The following OGDH variants were observed in gnomAD, a reference collection of about 807,000 sequenced individuals.
The protein encoded by OGDH is 2-oxoglutarate dehydrogenase complex component E1.
OGDH carries 38 observed loss-of-function variants against 116.6 expected under a neutral mutation model. The ratio of observed to expected loss-of-function variants is 0.33; its 90% CI spans 0.25 to 0.43. The LOEUF (loss-of-function observed/expected upper bound fraction) is 0.43. Ranked by LOEUF, OGDH falls within the 20% of genes least tolerant of loss-of-function variation. OGDH has a pLI of 1.00. For missense variants in OGDH, 825 were observed against 1,357.2 expected (o/e 0.61, Z 6.16); for synonymous variants, 488 against 533.3 (o/e 0.92, Z 1.17).
intron 2 of OGDH, among the ~76,000 whole-genome samples, chr7:44,638,683 CAGTAAG>C (rs933444053): frequency 3.3e-5 from 5 of 152,154 alleles, no homozygotes; most frequent in Admixed American, 6.5e-5. Flanking sequence ...TTTTCTCACT[CAGTAAG>C]AGAGCTGAGG....
chr7:44,606,781 G>A (rs1427640299), intron 1 of OGDH, 128 bp downstream of exon 1: 3 of 152,362 alleles, frequency 2.0e-5, no homozygotes, highest in African/African-American at 4.8e-5. Context: ...GCGGTGACAG[G>A]GGAGTGGAGC....
rs369833092 is a variant in OGDH, at chr7:44,707,244, G to T, written c.2652G>T (p.Val884=). ...TTGTAGGAACCCACTTCCAGCGGGT[G>T]ATCCCAGAAGATGGCCCTGCAGCTC... ...EMLPGTHFQR[V]IPEDGPAAQN... The change falls in exon 21 of 23, where the codon GTG becomes GTT. Residue 884 remains valine, a synonymous_variant. Transcript: ENST00000222673. This position sits in a 1 kb window ranked among gnomAD's most constrained non-coding sequence, Gnocchi z 5.2. 9.9e-6 allele frequency: 16 copies of T among 1,614,114 alleles called. No individual in the cohort carries two copies. Among genetic ancestry groups the T allele is most frequent in the Non-Finnish European group, 1.3e-5 (15 of 1,180,036 alleles).
chr7:44,673,933 G>A lies in OGDH; in HGVS notation c.780G>A (p.Arg260=), dbSNP rs1787577631. The change falls in exon 6 of 23, where the codon CGG becomes CGA. Residue 260 remains arginine, a synonymous_variant. Transcript: ENST00000222673. ...EKRTLLARLV[R]STRFEEFLQR... The stretch of plus-strand genomic sequence containing the variant: ...GGACCCTGCTGGCCAGGCTTGTGCG[G>A]TCCACCAGGTATGGGTCTGGCCCTG... The A allele has an allele frequency of 6.2e-7, 1 of 1,614,210 alleles. No homozygotes were observed. Among genetic ancestry groups the A allele is most frequent in the East Asian group, 2.2e-5 (1 of 44,882 alleles).
chr7:44,608,407 CAA>C (rs71011978), intron 1 of OGDH, among the ~76,000 whole-genome samples: 1 of 150,092 alleles, frequency 6.7e-6, no homozygotes, highest in Non-Finnish European at 1.5e-5. Context: ...GATCCTGTCT[CAA>C]AAAAAAAGGC....
intron 9 of OGDH, among the ~76,000 whole-genome samples, chr7:44,680,670 G>A (rs1787893217): frequency 6.6e-6 from 1 of 152,134 alleles, no homozygotes; most frequent in African/African-American, 2.4e-5. Context: ...TGGCAGTGAT[G>A]AGCACACAAA....
At chr7:44,617,613 A>G (rs931050538) in intron 1 of OGDH, among the ~76,000 whole-genome samples, 2 of 152,224 alleles carry the variant, frequency 1.3e-5, no homozygotes, top group African/African-American at 2.4e-5. Context: ...TCTGTACATG[A>G]GTTCTTTGTA....
At chr7:44,631,417 C>T (rs886652) in intron 2 of OGDH, among the ~76,000 whole-genome samples, 80,621 of 151,936 alleles carry the variant, frequency 0.53, 21,522 homozygotes, top group East Asian at 0.72. Flanking sequence ...ACCCAATAGG[C>T]AATTTTTCAA....
At chr7:44,616,089 T>G (rs927803091) in intron 1 of OGDH, among the ~76,000 whole-genome samples, 1 of 152,094 alleles carries the variant, frequency 6.6e-6, no homozygotes, top group African/African-American at 2.4e-5. Flanking sequence ...CTAGCCAGTC[T>G]GCTTCCTTCT....
chr7:44,687,069 GT>G, intron 10 of OGDH, among the ~76,000 whole-genome samples: 1 of 121,754 alleles, frequency 8.2e-6, no homozygotes, highest in African/African-American at 3.1e-5. Context: ...ATATGCTCAT[GT>G]TTTTAAAAAA....
At chr7:44,658,829 TTTATTA>T (rs965097852) in intron 4 of OGDH, among the ~76,000 whole-genome samples, 1 of 151,880 alleles carries the variant, frequency 6.6e-6, no homozygotes, top group Non-Finnish European at 1.5e-5. Context: ...GATCTTGTGA[TTTATTA>T]TTATTATTAT....
chr7:44,706,714 G>A (rs1365972721), intron 20 of OGDH, among the ~76,000 whole-genome samples: 4 of 147,236 alleles, frequency 2.7e-5, no homozygotes, highest in East Asian at 2.1e-4. Flanking sequence ...TCTGCCTCCC[G>A]GGCCCAACCG....
rs764640112 is a variant in OGDH, at chr7:44,707,788, G to T, written c.2951+52G>T. ...GCTGTGGGACCCTCCCCTCAGGCCA[G>T]TAGGCAGTTAGCCAGGCACATGCAG... is the stretch of plus-strand genomic sequence containing the variant. On this transcript the variant is annotated intron_variant, in intron 22 of 22. Coordinates refer to ENST00000222673, the MANE Select transcript of OGDH (RefSeq NM_002541.4). The surrounding 1 kb of genome is among the most constrained non-coding windows in gnomAD (Gnocchi z 5.2). 1 of 1,612,088 alleles carries T rather than the reference G, an allele frequency of 6.2e-7. No individual in the cohort carries two copies. Among genetic ancestry groups the T allele is most frequent in the South Asian group, 1.1e-5 (1 of 90,996 alleles).
chr7:44,680,937 C>T (rs1425663766), intron 9 of OGDH, among the ~76,000 whole-genome samples: 1 of 152,104 alleles, frequency 6.6e-6, no homozygotes, highest in Non-Finnish European at 1.5e-5. Flanking sequence ...TGCAACCTGT[C>T]GAATAAAATA....
At chr7:44,665,212 G>A (rs753938189) in intron 4 of OGDH, among the ~76,000 whole-genome samples, 28 of 148,596 alleles carry the variant, frequency 1.9e-4, no homozygotes, top group Admixed American at 6.8e-5. Flanking sequence ...TGCCCTCAGT[G>A]TTGACAGACT....
chr7:44,700,112 G>T (rs1788760864), intron 18 of OGDH, 29 bp from the exon 19 acceptor site: 1 of 1,613,308 alleles, frequency 6.2e-7, no homozygotes, highest in East Asian at 2.2e-5. Flanking sequence ...CTGTGTCCTG[G>T]CCTCTGGCCA....
At chr7:44,698,742 G>C (rs1788697114) in intron 18 of OGDH, among the ~76,000 whole-genome samples, 1 of 151,984 alleles carries the variant, frequency 6.6e-6, no homozygotes, top group African/African-American at 2.4e-5. Flanking sequence ...TTGGGAGGCT[G>C]AGGTGGGAGG....
intron 4 of OGDH, among the ~76,000 whole-genome samples, chr7:44,650,554 G>C (rs1367727410): frequency 1.3e-5 from 2 of 152,200 alleles, no homozygotes; most frequent in African/African-American, 4.8e-5. Flanking sequence ...GCAATCTTTT[G>C]AGATGAGTAG....
At chr7:44,625,890 T>C (rs1785184135) in intron 2 of OGDH, among the ~76,000 whole-genome samples, 1 of 152,162 alleles carries the variant, frequency 6.6e-6, no homozygotes, top group Non-Finnish European at 1.5e-5. Flanking sequence ...GGAGGATTGC[T>C]GAAGCCCAGG....
Position 44,697,835 on chromosome 7 carries a change from A to AG in OGDH, c.2358+55dup. Reference sequence around the variant, plus strand: ...CCTAGGACTTGGGAAGGGCCTGTGTAGGACCCTGACCCCAAAGACTGGCAC... The same window carrying AG: ...CCTAGGACTTGGGAAGGGCCTGTGTAGGGACCCTGACCCCAAAGACTGGCAC... On this transcript the variant is annotated intron_variant, in intron 17 of 22. Transcript: ENST00000222673. The surrounding 1 kb of genome is among the most constrained non-coding windows in gnomAD (Gnocchi z 6.0). 1 of 1,565,458 alleles carries AG rather than the reference A, an allele frequency of 6.4e-7. No individual in the cohort carries two copies. Among genetic ancestry groups the AG allele is most frequent in the Non-Finnish European group, 8.6e-7 (1 of 1,157,220 alleles).
Sources: allele counts gnomAD v4.1 joint callset (sites outside exome capture counted in the v4.1 genomes callset), GRCh38; gene constraint gnomAD v4.1.1; non-coding constraint Gnocchi (gnomAD v3.1); transcripts MANE v1.5; gene names NCBI Gene and HGNC (gene_info 2026-07-23, HGNC 2026-07-21).